SVOPL: variants seen among roughly 807,000 people sequenced by gnomAD.
The protein encoded by SVOPL is putative transporter SVOPL.
SVOPL carries 60 observed loss-of-function variants against 61.0 expected under a neutral mutation model. The observed-to-expected ratio is 0.98, with a 90% confidence interval of 0.80 to 1.22. The LOEUF is 1.22. Among genes scored for constraint, SVOPL ranks in the 50% most tolerant of loss-of-function variants. SVOPL has a pLI of 0.00. For missense variants in SVOPL, 662 were observed against 643.9 expected (o/e 1.03, Z -0.30); for synonymous variants, 279 against 250.0 (o/e 1.12, Z -1.09).
chr7:138,698,124 G>A (rs1378151329), intron 1 of SVOPL, among the ~76,000 whole-genome samples: 2 of 151,372 alleles, frequency 1.3e-5, no homozygotes, highest in African/African-American at 4.9e-5. Flanking sequence ...AAGAGTAGAG[G>A]TGGGAATGAA....
rs375171728 is a variant in SVOPL at position 138,594,603 on chromosome 7, C to T, written c.*7G>A. 12 of 1,595,062 alleles carry T rather than the reference C, an allele frequency of 7.5e-6. No individual in the cohort carries two copies. The highest frequency in any genetic ancestry group is 1.3e-5 in the African/African-American group (1 of 74,390). On this transcript the variant is annotated 3_prime_UTR_variant, in exon 16 of 16. Coordinates refer to ENST00000674285, the MANE Select transcript of SVOPL (RefSeq NM_001139456.2). ...TTCTCATCTGGTAGACATAGCTTTG[C>T]AGGTCTTCATTTAATTTGCTGGAAG... is the stretch of plus-strand genomic sequence containing the variant.
intron 4 of SVOPL, chr7:138,664,236 C>T: frequency 1.0e-6 from 1 of 985,004 alleles, no homozygotes; most frequent in Non-Finnish European, 1.2e-6. Context: ...CTCCCTCGCG[C>T]GCCCCACCTA....
At chr7:138,681,453 G>A (rs1304850845) in intron 1 of SVOPL, among the ~76,000 whole-genome samples, 1 of 151,950 alleles carries the variant, frequency 6.6e-6, no homozygotes. Context: ...TGTACAAACT[G>A]AGCCTGGGGC....
chr7:138,626,140 G>T, intron 12 of SVOPL, 90 bp from the exon 13 acceptor site: 3 of 1,256,348 alleles, frequency 2.4e-6, no homozygotes, highest in Non-Finnish European at 2.3e-6. Context: ...TGGATGCTGA[G>T]ATACAATCAC....
At chr7:138,627,325 T>C in intron 12 of SVOPL, 25 bp downstream of exon 12, 1 of 1,574,564 alleles carries the variant, frequency 6.4e-7, no homozygotes, top group Non-Finnish European at 8.7e-7. Context: ...CTGCACAAAA[T>C]CTGAAGCAAT....
At chr7:138,661,775 A>T in intron 5 of SVOPL, 5 of 902,500 alleles carry the variant, frequency 5.5e-6, no homozygotes, top group Non-Finnish European at 6.6e-6. Context: ...ACTGCTGCTA[A>T]TCGGAGCATA....
At chr7:138,677,233 C>T (rs983850954) in intron 3 of SVOPL, among the ~76,000 whole-genome samples, 1 of 152,136 alleles carries the variant, frequency 6.6e-6, no homozygotes, top group Non-Finnish European at 1.5e-5. Context: ...CCTACACCCC[C>T]TGGACTGGAG....
At position 138,659,973 on chromosome 7, in the gene SVOPL, A is replaced by G. The variant is rs1470122764; in HGVS notation, c.361T>C (p.Phe121Leu). 3.9e-6 allele frequency: 6 copies of G among 1,551,474 alleles called. No homozygotes were observed. Residue 121 changes from phenylalanine (F) to leucine (L), a missense_variant, in exon 6 of 16, where the codon TTC (phenylalanine) becomes CTC (leucine). Transcript: ENST00000674285. ...YGRWKILLIS[F>L]LWGAYFSLLT... ...AAGGAGAAATAGGCTCCCCACAGGA[A>G]CGAGATGAGCAGAATCTGAAGCAAC...
intron 8 of SVOPL, among the ~76,000 whole-genome samples, 198 bp downstream of exon 8, chr7:138,648,814 C>T (rs972369887): frequency 6.6e-6 from 1 of 151,974 alleles, no homozygotes; most frequent in Non-Finnish European, 1.5e-5. Context: ...CCCAGCTACT[C>T]GGGAGGCTGA....
intron 9 of SVOPL, among the ~76,000 whole-genome samples, chr7:138,631,626 T>C (rs958694710): frequency 6.6e-6 from 1 of 152,092 alleles, no homozygotes; most frequent in African/African-American, 2.4e-5. Flanking sequence ...TAGAGTGCAA[T>C]GGCGTGATCT....
At chr7:138,691,729 C>T (rs538229522) in intron 1 of SVOPL, among the ~76,000 whole-genome samples, 54 of 151,902 alleles carry the variant, frequency 3.6e-4, no homozygotes, top group Non-Finnish European at 6.5e-4. Context: ...TTAGTAGAGA[C>T]GGGGTTTCGC....
Position 138,628,297 on chromosome 7 carries a change from C to G in SVOPL, c.930G>C (p.Leu310Phe), listed in dbSNP as rs768439762. The G allele has an allele frequency of 6.2e-7, 1 of 1,614,178 alleles. No individual in the cohort carries two copies. Among genetic ancestry groups the G allele is most frequent in the Non-Finnish European group, 8.5e-7 (1 of 1,180,042 alleles). Reference protein sequence around the residue: ...LASAELLERDLVCGSKSDSAV... With the variant: ...LASAELLERDFVCGSKSDSAV... The stretch of plus-strand genomic sequence containing the variant: ...CAGAGTCTGACTTTGAACCACAGAC[C>G]AAGTCCCGCTCCAGCAGCTCAGCAC... The change falls in exon 11 of 16, where the codon TTG becomes TTC. Residue 310 changes from leucine to phenylalanine, a missense_variant. Physicochemically the swap from Leu to Phe is conservative, Grantham distance 22. Coordinates refer to ENST00000674285, the MANE Select transcript of SVOPL (RefSeq NM_001139456.2).
intron 7 of SVOPL, among the ~76,000 whole-genome samples, chr7:138,654,416 T>C (rs1243995030): frequency 2.0e-5 from 3 of 151,918 alleles, no homozygotes. Flanking sequence ...TAAATGATGC[T>C]AATCTATTCT....
At chr7:138,660,137 C>T (rs1801940777) in intron 5 of SVOPL, 149 bp from the exon 6 acceptor site, 1 of 1,443,750 alleles carries the variant, frequency 6.9e-7, no homozygotes, top group South Asian at 1.4e-5. Flanking sequence ...CTTTCACAAT[C>T]ATCCAACAAT....
chr7:138,676,703 TGA>T (rs1407334910), intron 3 of SVOPL, among the ~76,000 whole-genome samples: 2 of 152,186 alleles, frequency 1.3e-5, no homozygotes, highest in Middle Eastern at 3.2e-3. Flanking sequence ...ACAAAATGTT[TGA>T]GAGCCATGTG....
chr7:138,614,892 C>CT (rs1388321344), intron 14 of SVOPL, among the ~76,000 whole-genome samples: 1 of 152,056 alleles, frequency 6.6e-6, no homozygotes, highest in African/African-American at 2.4e-5. Context: ...CTTTTCAATG[C>CT]TTTTTTTGGA....
intron 7 of SVOPL, among the ~76,000 whole-genome samples, chr7:138,653,885 A>C (rs1192046752): frequency 6.6e-6 from 1 of 151,250 alleles, no homozygotes; most frequent in African/African-American, 2.4e-5. Flanking sequence ...GTGAGCTGAG[A>C]TCATGCCACC....
intron 14 of SVOPL, among the ~76,000 whole-genome samples, chr7:138,602,651 G>T (rs1563080785): frequency 6.6e-6 from 1 of 152,004 alleles, no homozygotes; most frequent in South Asian, 2.1e-4. Flanking sequence ...AAGCCTGAGT[G>T]CTCCTTCCTT....
intron 9 of SVOPL, among the ~76,000 whole-genome samples, chr7:138,637,445 TAGATAG>T (rs199521973): frequency 0.017 from 186 of 10,858 alleles, 4 homozygotes; most frequent in Middle Eastern, 0.1. Context: ...TATATATAGA[TAGATAG>T]ATAGATATAT....
Sources: allele counts gnomAD v4.1 joint callset (sites outside exome capture counted in the v4.1 genomes callset), GRCh38; gene constraint gnomAD v4.1.1; transcripts MANE v1.5; gene names NCBI Gene and HGNC (gene_info 2026-07-23, HGNC 2026-07-21).